Variants in VAV1 observed in about 807,000 individuals in gnomAD.
VAV1 encodes vav guanine nucleotide exchange factor 1, also known as proto-oncogene vav.
Under a neutral mutation model 128.1 loss-of-function variants are expected in VAV1, and 33 were observed. The observed-to-expected ratio is 0.26, with a 90% CI of 0.20 to 0.34. The LOEUF is 0.34. Ranked by LOEUF, VAV1 falls within the 10% of genes least tolerant of loss-of-function variation. The pLI is 1.00. For synonymous variants in VAV1, 394 were observed against 409.8 expected, an observed-to-expected ratio of 0.96 and a Z score of 0.47; for missense variants, 715 against 1,093.7, an observed-to-expected ratio of 0.65 and a Z score of 4.88.
intron 1 of VAV1, among the ~76,000 whole-genome samples, chr19:6,789,377 C>G (rs1016028654): frequency 6.6e-6 from 1 of 151,736 alleles, no homozygotes; most frequent in Non-Finnish European, 1.5e-5. Context: ...CTCAGCCTCC[C>G]GAGTAGCTGG....
In VAV1 at chr19:6,821,634, C is replaced by A; in HGVS notation, c.334C>A (p.Leu112Met). 1 of 1,614,168 alleles carries A rather than the reference C, an allele frequency of 6.2e-7. No homozygotes were observed. Among genetic ancestry groups the A allele is most frequent in the South Asian group, 1.1e-5 (1 of 91,088 alleles). ...VQDFGKVIYT[L>M]SALSWTPIAQ... ...TGCCCCGTCACAGGTCATCTACACC[C>A]TGTCTGCTCTGTCCTGGACCCCGAT... Residue 112 changes from leucine (L) to methionine (M), a missense_variant, in exon 3 of 27, where the codon CTG becomes ATG. Around this residue, in one of 3 missense-constraint regions of VAV1, gnomAD observed 302 missense variants for 477.8 expected, o/e 0.63. Transcript: ENST00000602142.
intron 25 of VAV1, among the ~76,000 whole-genome samples, chr19:6,853,730 CAA>C (rs371494493): frequency 1.7e-4 from 23 of 136,064 alleles, no homozygotes; most frequent in Admixed American, 2.2e-4. Context: ...GACTTTATCT[CAA>C]AAAAAAAAAA....
At chr19:6,805,583 T>TATACACAC (rs370624141) in intron 1 of VAV1, among the ~76,000 whole-genome samples, 86 of 139,096 alleles carry the variant, frequency 6.2e-4, no homozygotes, top group African/African-American at 2.0e-3. Context: ...TTTCTACAGA[T>TATACACAC]ACACACACAC....
intron 1 of VAV1, among the ~76,000 whole-genome samples, chr19:6,780,629 T>C (rs1970749754): frequency 6.8e-6 from 1 of 147,708 alleles, no homozygotes; most frequent in Admixed American, 6.8e-5. Flanking sequence ...TGGAGTGCAA[T>C]GACGTGATCT....
At chr19:6,831,478 A>G (rs543120941) in intron 14 of VAV1, among the ~76,000 whole-genome samples, 2 of 151,918 alleles carry the variant, frequency 1.3e-5, no homozygotes, top group African/African-American at 4.8e-5. Context: ...CGCCCAGCTA[A>G]TTTTTTTGTA....
At chr19:6,780,066 AGG>A (rs1491297871) in intron 1 of VAV1, among the ~76,000 whole-genome samples, 6 of 72,242 alleles carry the variant, frequency 8.3e-5, no homozygotes, top group African/African-American at 6.0e-4. Context: ...AGCCGAGATC[AGG>A]CCACTGCACT....
chr19:6,826,590 G>T lies in VAV1; in HGVS notation c.828-22G>T. ...CCTTGATGCCAGTCACCTTTACCTG[G>T]TGGCCTGTCTTCTCCCTGTAGGTTC... On this transcript the variant is annotated intron_variant, in intron 8 of 26. Transcript: ENST00000602142. This position sits in a 1 kb window ranked among gnomAD's most constrained non-coding sequence, Gnocchi z 4.1. 6.5e-7 allele frequency: 1 copy of T among 1,542,300 alleles called. No individual in the cohort carries two copies.
At chr19:6,796,580 G>T (rs1338602372) in intron 1 of VAV1, among the ~76,000 whole-genome samples, 1 of 151,980 alleles carries the variant, frequency 6.6e-6, no homozygotes, top group Admixed American at 6.6e-5. Flanking sequence ...AGGGCTTCTT[G>T]TACTAACCTC....
intron 1 of VAV1, among the ~76,000 whole-genome samples, chr19:6,802,075 CA>C (rs1422213138): frequency 6.6e-6 from 1 of 151,478 alleles, no homozygotes; most frequent in African/African-American, 2.4e-5. Context: ...TCATTCTCAG[CA>C]AACTATAGCA....
chr19:6,823,588 A>C (rs1334647468), intron 6 of VAV1, among the ~76,000 whole-genome samples: 1 of 151,190 alleles, frequency 6.6e-6, no homozygotes, highest in Non-Finnish European at 1.5e-5. Context: ...CTGTAATCCA[A>C]GCCCTTTGTG....
intron 1 of VAV1, among the ~76,000 whole-genome samples, chr19:6,776,407 T>C (rs1188108325): frequency 6.6e-5 from 2 of 30,124 alleles, no homozygotes; most frequent in African/African-American, 4.1e-4. Flanking sequence ...CACCCATCTA[T>C]CCATCCATCC....
At chr19:6,856,857 G>C (rs1221419238) in intron 26 of VAV1, among the ~76,000 whole-genome samples, 197 bp from the exon 27 acceptor site, 2 of 151,682 alleles carry the variant, frequency 1.3e-5, no homozygotes, top group African/African-American at 4.9e-5. Flanking sequence ...TTTAGGGAGG[G>C]ACTTTTAGGA....
intron 22 of VAV1, among the ~76,000 whole-genome samples, chr19:6,843,459 T>C (rs1308108782): frequency 6.6e-6 from 1 of 152,080 alleles, no homozygotes; most frequent in Non-Finnish European, 1.5e-5. Flanking sequence ...ACAGTTCCAG[T>C]TGTTTTTGTA....
At chr19:6,808,234 C>T (rs1971438703) in intron 1 of VAV1, among the ~76,000 whole-genome samples, 1 of 151,866 alleles carries the variant, frequency 6.6e-6, no homozygotes, top group Admixed American at 6.6e-5. Flanking sequence ...ATCGCTTGAA[C>T]CCAGGAGGCG....
chr19:6,790,792 A>T (rs1247792836), intron 1 of VAV1, among the ~76,000 whole-genome samples: 1 of 152,180 alleles, frequency 6.6e-6, no homozygotes, highest in South Asian at 2.1e-4. Context: ...CAAGGGGTGG[A>T]TTATGCAGAG....
intron 1 of VAV1, among the ~76,000 whole-genome samples, chr19:6,778,889 T>TC (rs796627638): frequency 2.3e-4 from 35 of 151,128 alleles, no homozygotes; most frequent in African/African-American, 6.3e-4. Context: ...TTTTTTTTTT[T>TC]CTTAAGAGAC....
chr19:6,799,501 G>A (rs1412704997), intron 1 of VAV1, among the ~76,000 whole-genome samples: 4 of 152,070 alleles, frequency 2.6e-5, no homozygotes, highest in East Asian at 1.9e-4. Context: ...TGTGCAGAAC[G>A]TGCAGGTTTG....
At chr19:6,792,604 G>T (rs116358922) in intron 1 of VAV1, among the ~76,000 whole-genome samples, 4,215 of 152,030 alleles carry the variant, frequency 0.028, 195 homozygotes, top group African/African-American at 0.096. Context: ...TAGAGACAGG[G>T]TCTCACTATG....
chr19:6,853,030 G>T lies in VAV1; in HGVS notation c.2283G>T (p.Leu761Phe). 2 of 1,611,960 alleles carry T rather than the reference G, an allele frequency of 1.2e-6. No homozygotes were observed. The highest frequency in any genetic ancestry group is 1.7e-6 in the Non-Finnish European group (2 of 1,178,668). The part of the protein sequence containing the change: ...KDCFKSLDTT[L>F]QFPFKEPEKR... ...GCTTCAAGTCTCTGGACACCACCTT[G>T]CAGTTCCCCTTCAAGGAGCCTGAAA... Residue 761 changes from leucine to phenylalanine, a missense_variant, in exon 25 of 27, where the codon TTG becomes TTT. By Grantham distance (22) the Leu-to-Phe change is conservative. This residue lies in a region of VAV1 where 407 missense variants were observed against 580.6 expected (regional missense o/e 0.70). Transcript: ENST00000602142.
Sources: gnomAD v4.1 joint callset for allele counts (sites outside exome capture counted in the v4.1 genomes callset) on GRCh38, gnomAD v4.1.1 for gene constraint, gnomAD v4.1.1 regional missense constraint, Gnocchi (gnomAD v3.1) non-coding constraint, MANE v1.5 for transcripts, NCBI Gene and HGNC (gene_info 2026-07-23, HGNC 2026-07-21) for gene names.